The following S1PR5 variants were observed in gnomAD, a reference collection of about 807,000 sequenced individuals.
The protein encoded by S1PR5 is sphingosine 1-phosphate receptor 5.
For missense variants in S1PR5, 583 were observed against 571.7 expected (o/e 1.02, Z -0.20); for synonymous variants, 307 against 284.7 (o/e 1.08, Z -0.79).
chr19:10,515,788 G>T (rs1489951712), intron 1 of S1PR5, among the ~76,000 whole-genome samples: 1 of 152,078 alleles, frequency 6.6e-6, no homozygotes, highest in East Asian at 1.9e-4. Context: ...GGACGTGTTG[G>T]TGTATGCCTA....
intron 1 of S1PR5, among the ~76,000 whole-genome samples, chr19:10,515,651 G>A (rs1316095324): frequency 6.6e-6 from 1 of 151,964 alleles, no homozygotes; most frequent in African/African-American, 2.4e-5. Context: ...CACACGGCTG[G>A]GTGTGGTGGC....
At chr19:10,517,356 G>C (rs1915463342) in intron 1 of S1PR5, 42 bp downstream of exon 1, 1 of 984,886 alleles carries the variant, frequency 1.0e-6, no homozygotes, top group Non-Finnish European at 1.2e-6. Context: ...TCCGGGTCAG[G>C]CCCAGCCCAG....
chr19:10,514,407 A>G lies in S1PR5; in HGVS notation c.605T>C (p.Val202Ala). The G allele has an allele frequency of 6.2e-7, 1 of 1,608,902 alleles. No homozygotes were observed. The highest frequency in any genetic ancestry group is 8.5e-7 in the Non-Finnish European group (1 of 1,178,148). The change falls in exon 2 of 2, where the codon GTG becomes GCG. Residue 202 changes from valine (V) to alanine (A), a missense_variant. Val to Ala is a moderately conservative substitution (Grantham distance 64). Coordinates refer to ENST00000333430, the MANE Select transcript of S1PR5 (RefSeq NM_030760.5). ...AYVLFCVLAF[V>A]GILAAICALY... ...TGCACAGATAGCGGCCAGGATGCCCACGAAGGCGAGCACGCAGAAGAGCAC... is the reference window on the plus strand; with the variant it reads ...TGCACAGATAGCGGCCAGGATGCCCGCGAAGGCGAGCACGCAGAAGAGCAC...
chr19:10,513,876 G>C lies in S1PR5; in HGVS notation c.1136C>G (p.Thr379Arg). The change falls in exon 2 of 2, where the codon ACA (threonine) becomes AGA (arginine). Residue 379 changes from threonine (T) to arginine (R), a missense_variant. Physicochemically the swap from Thr to Arg is moderately conservative, Grantham distance 71. Transcript: ENST00000333430. ...QRDGLDTSGS[T>R]GSPGAPTAAR... ...GGCTGTGGGTGCACCGGGGCTGCCT[G>C]TGGAGCCGCTGGTGTCCAGCCCGTC... 6.2e-7 allele frequency: 1 copy of C among 1,611,774 alleles called. No individual in the cohort carries two copies.
Position 10,513,914 on chromosome 19 carries a change from T to G in S1PR5, c.1098A>C (p.Ser366=). ...LDGSFSGSER[S]SPQRDGLDTS... ...TGTCCAGCCCGTCGCGCTGGGGCGA[T>G]GAGCGCTCCGAGCCGCTGAAGCTCC... Residue 366 remains serine (S), a synonymous_variant, in exon 2 of 2, where the codon TCA becomes TCC. Transcript: ENST00000333430. The G allele has an allele frequency of 6.2e-7, 1 of 1,607,814 alleles. No homozygotes were observed. The highest frequency in any genetic ancestry group is 8.5e-7 in the Non-Finnish European group (1 of 1,178,290).
At position 10,514,554 on chromosome 19, in the gene S1PR5, G is replaced by C. The variant is rs1915379857; in HGVS notation, c.458C>G (p.Ala153Gly). ...CACGCCCCAGGCCGCGGCTGCCATC[G>C]CCAGCGTGCGCCCCCGACTGGAGAC... ...APVSSRGRTL[A>G]MAAAAWGVSL... Residue 153 changes from alanine (A) to glycine (G), a missense_variant, in exon 2 of 2, where the codon GCG becomes GGG. Transcript: ENST00000333430. 6.3e-7 allele frequency: 1 copy of C among 1,577,986 alleles called. No homozygotes were observed. The highest frequency in any genetic ancestry group is 8.6e-7 in the Non-Finnish European group (1 of 1,163,408).
At chr19:10,515,214 G>A (rs1915407402) in intron 1 of S1PR5, among the ~76,000 whole-genome samples, 185 bp from the exon 2 acceptor site, 1 of 152,164 alleles carries the variant, frequency 6.6e-6, no homozygotes, top group South Asian at 2.1e-4. Flanking sequence ...ATAATATCAC[G>A]AGGGAACAAG....
chr19:10,516,585 T>C (rs181083575), intron 1 of S1PR5, among the ~76,000 whole-genome samples: 395 of 122,276 alleles, frequency 3.2e-3, no homozygotes, highest in Non-Finnish European at 5.2e-3. Context: ...CCAGCCTGGG[T>C]GACAAGAGAG....
chr19:10,514,097 G>T lies in S1PR5; in HGVS notation c.915C>A (p.Ile305=). 6.2e-7 allele frequency: 1 copy of T among 1,612,930 alleles called. No individual in the cohort carries two copies. The highest frequency in any genetic ancestry group is 8.5e-7 in the Non-Finnish European group (1 of 1,179,830). ...AMANSLLNPI[I]YTLTNRDLRH... The stretch of plus-strand genomic sequence containing the variant: ...GCAGGTCGCGGTTGGTGAGCGTGTA[G>T]ATGATGGGGTTCAGAAGTGAGTTGG... The change falls in exon 2 of 2, where the codon ATC becomes ATA. Residue 305 remains isoleucine (I), a synonymous_variant. Coordinates refer to ENST00000333430, the MANE Select transcript of S1PR5 (RefSeq NM_030760.5).
chr19:10,517,425 A>G lies in S1PR5; in HGVS notation c.-46T>C. The G allele has an allele frequency of 2.0e-6, 2 of 985,604 alleles. No homozygotes were observed. The highest frequency in any genetic ancestry group is 9.4e-5 in the South Asian group (2 of 21,294). 61.1% of individuals were successfully genotyped at this position (985,604 alleles called of 1,614,324 possible). Reference sequence around the variant, plus strand: ...TGCGCCCTGGTCGTGCGCCACCCGCAGTCGCGCTGCCTTGAACCGAGTGAG... The same window carrying G: ...TGCGCCCTGGTCGTGCGCCACCCGCGGTCGCGCTGCCTTGAACCGAGTGAG... On this transcript the variant is annotated 5_prime_UTR_variant, in exon 1 of 2. Transcript: ENST00000333430.
Position 10,514,338 on chromosome 19 carries a change from C to T in S1PR5, c.674G>A (p.Arg225His), listed in dbSNP as rs201726285. The T allele has an allele frequency of 6.4e-7, 1 of 1,562,526 alleles. No homozygotes were observed. Residue 225 changes from arginine to histidine, a missense_variant, in exon 2 of 2, where the codon CGC (arginine) becomes CAC (histidine). Physicochemically the swap from Arg to His is conservative, Grantham distance 29 (BLOSUM62 0). Coordinates refer to ENST00000333430, the MANE Select transcript of S1PR5 (RefSeq NM_030760.5). The stretch of plus-strand genomic sequence containing the variant: ...CGCAGTCCCGGGCCGTGCCGGCAGG[C>T]GCCGCGCGTTGGCGCGTACCTGGCA... ...IYCQVRANAR[R>H]LPARPGTAGT...
At position 10,514,964 on chromosome 19, in the gene S1PR5, G is replaced by C. The variant is rs1372996058; in HGVS notation, c.48C>G (p.Val16=). 3 of 1,594,156 alleles carry C rather than the reference G, an allele frequency of 1.9e-6. No individual in the cohort carries two copies. Among genetic ancestry groups the C allele is most frequent in the Non-Finnish European group, 2.6e-6 (3 of 1,172,660 alleles). Residue 16 remains valine (V), a synonymous_variant, in exon 2 of 2, where the codon GTC becomes GTG. Transcript: ENST00000333430. Reference sequence around the variant, plus strand: ...GCTTGCCGGTGTAGTTGTAATGCAGGACGATGACCTCGCTCACCGGCGCCG... The same window carrying C: ...GCTTGCCGGTGTAGTTGTAATGCAGCACGATGACCTCGCTCACCGGCGCCG... ...LRPAPVSEVI[V]LHYNYTGKLR... is the part of the protein sequence containing the mutation.
Position 10,514,729 on chromosome 19 carries a change from G to C in S1PR5, c.283C>G (p.Leu95Val), listed in dbSNP as rs1915387233. The C allele has an allele frequency of 1.2e-6, 2 of 1,611,684 alleles. No individual in the cohort carries two copies. Among genetic ancestry groups the C allele is most frequent in the Non-Finnish European group, 1.7e-6 (2 of 1,179,364 alleles). Reference protein sequence around the residue: ...AGAAYAANILLSGPLTLKLSP... With the variant: ...AGAAYAANILVSGPLTLKLSP... ...AGTTTCAGCGTGAGCGGCCCCGACA[G>C]TAGGATGTTGGCGGCGTAGGCGGCG... Residue 95 changes from leucine (L) to valine (V), a missense_variant, in exon 2 of 2, where the codon CTG (leucine) becomes GTG (valine). Coordinates refer to ENST00000333430, the MANE Select transcript of S1PR5 (RefSeq NM_030760.5).
Position 10,514,766 on chromosome 19 carries a change from A to G in S1PR5, c.246T>C (p.Asp82=). ...FLLLGSLTLS[D]LLAGAAYAAN... ...CGGCGTAGGCGGCGCCTGCCAGCAG[A>G]TCCGACAACGTGAGGCTGCCCAGGA... The change falls in exon 2 of 2, where the codon GAT becomes GAC. Residue 82 remains aspartate (D), a synonymous_variant. Transcript: ENST00000333430. The G allele has an allele frequency of 1.2e-6, 2 of 1,612,982 alleles. No homozygotes were observed. The highest frequency in any genetic ancestry group is 1.7e-6 in the Non-Finnish European group (2 of 1,179,736).
intron 1 of S1PR5, 122 bp from the exon 2 acceptor site, chr19:10,515,151 AG>A (rs1339542533): frequency 7.6e-7 from 1 of 1,307,432 alleles, no homozygotes; most frequent in Non-Finnish European, 1.0e-6. Flanking sequence ...ATGGTGTCCA[AG>A]GGGGAGTTCA....
intron 1 of S1PR5, 49 bp from the exon 2 acceptor site, chr19:10,515,078 G>T (rs747346559): frequency 1.3e-6 from 2 of 1,503,430 alleles, no homozygotes; most frequent in South Asian, 2.6e-5. Context: ...CCGTAAGCAC[G>T]CTCGCAGCAG....
At chr19:10,516,116 C>T (rs564536692) in intron 1 of S1PR5, among the ~76,000 whole-genome samples, 16 of 152,214 alleles carry the variant, frequency 1.1e-4, no homozygotes, top group African/African-American at 3.4e-4. Context: ...AACAGAGTGA[C>T]GCAGGCAGAA....
Position 10,514,215 on chromosome 19 carries a change from G to C in S1PR5, c.797C>G (p.Pro266Arg). ...GTCGAGCAACAGCAGCAGGAAGAGG[G>C]GGCCCCAACATGCCACAAAGGCCAG... ...VLLAFVACWGPLFLLLLLDVA... is the reference protein window; with the variant it reads ...VLLAFVACWGRLFLLLLLDVA... The change falls in exon 2 of 2, where the codon CCC becomes CGC. Residue 266 changes from proline (P) to arginine (R), a missense_variant. Pro to Arg is a moderately radical substitution (Grantham distance 103). Coordinates refer to ENST00000333430, the MANE Select transcript of S1PR5 (RefSeq NM_030760.5). 1 of 1,610,682 alleles carries C rather than the reference G, an allele frequency of 6.2e-7. No homozygotes were observed. Among genetic ancestry groups the C allele is most frequent in the East Asian group, 2.2e-5 (1 of 44,772 alleles).
Position 10,513,651 on chromosome 19 carries a change from G to A in S1PR5, c.*164C>T, listed in dbSNP as rs1915339625. On this transcript the variant is annotated 3_prime_UTR_variant, in exon 2 of 2. Coordinates refer to ENST00000333430, the MANE Select transcript of S1PR5 (RefSeq NM_030760.5). ...CAAGCAGAACGTCAATTCCACGAGG[G>A]CACAGATTTTTTGTCTGTTTGTTCA... is the stretch of plus-strand genomic sequence containing the variant. 4 of 944,444 alleles carry A rather than the reference G, an allele frequency of 4.2e-6. No individual in the cohort carries two copies. Among genetic ancestry groups the A allele is most frequent in the Non-Finnish European group, 4.6e-6 (3 of 648,550 alleles). The allele number at this position is 944,444 out of a possible 1,614,324, so 58.5% of individuals were successfully genotyped here.
Sources: allele counts gnomAD v4.1 joint callset (sites outside exome capture counted in the v4.1 genomes callset), GRCh38; gene constraint gnomAD v4.1.1; transcripts MANE v1.5; gene names NCBI Gene and HGNC (gene_info 2026-07-23, HGNC 2026-07-21).